SCFD2: variants seen among roughly 807,000 people sequenced by gnomAD.
SCFD2 encodes sec1 family domain containing 2.
A neutral mutation model predicts 58.9 loss-of-function variants in SCFD2; 54 were observed. The observed-to-expected ratio is 0.92, with a 90% CI of 0.74 to 1.15. The LOEUF (loss-of-function observed/expected upper bound fraction) is 1.15. Ranked by LOEUF, SCFD2 falls within the 50% of genes most tolerant of loss-of-function variation. The pLI, the probability that SCFD2 is intolerant of heterozygous loss-of-function variation, is 0.00. For missense variants in SCFD2, 805 were observed against 836.6 expected, an observed-to-expected ratio of 0.96 and a Z score of 0.47; for synonymous variants, 321 against 335.9, an observed-to-expected ratio of 0.96 and a Z score of 0.49.
At chr4:53,016,601 G>T (rs1001813905) in intron 5 of SCFD2, among the ~76,000 whole-genome samples, 1 of 152,104 alleles carries the variant, frequency 6.6e-6, no homozygotes, top group African/African-American at 2.4e-5. Context: ...ATGAGTATTC[G>T]AAATATTCTT....
At chr4:53,363,263 T>C (rs1734598343) in intron 1 of SCFD2, among the ~76,000 whole-genome samples, 1 of 151,984 alleles carries the variant, frequency 6.6e-6, no homozygotes, top group Non-Finnish European at 1.5e-5. Context: ...GCCTCCTGAG[T>C]GGCTGGGACT....
chr4:53,165,961 A>C (rs1219514474), intron 4 of SCFD2, among the ~76,000 whole-genome samples: 1 of 152,186 alleles, frequency 6.6e-6, no homozygotes, highest in Non-Finnish European at 1.5e-5. Flanking sequence ...TTATTAGTTT[A>C]AGTGTACTTT....
intron 5 of SCFD2, among the ~76,000 whole-genome samples, chr4:53,015,583 G>A (rs1453355325): frequency 6.6e-6 from 1 of 152,082 alleles, no homozygotes; most frequent in Non-Finnish European, 1.5e-5. Context: ...ATCAGCACAC[G>A]TCTTCCATCA....
chr4:52,942,123 T>A (rs1011715035), intron 5 of SCFD2, among the ~76,000 whole-genome samples: 3 of 152,300 alleles, frequency 2.0e-5, no homozygotes, highest in African/African-American at 7.2e-5. Flanking sequence ...AGTGTCTATG[T>A]GTGGTAGGAT....
chr4:53,302,635 A>C (rs956165156), intron 3 of SCFD2, among the ~76,000 whole-genome samples: 1 of 152,212 alleles, frequency 6.6e-6, no homozygotes, highest in Non-Finnish European at 1.5e-5. Flanking sequence ...AAGAGCCTGC[A>C]TTGCCAAGTC....
chr4:52,980,636 C>T (rs1721356339), intron 5 of SCFD2, among the ~76,000 whole-genome samples: 1 of 152,186 alleles, frequency 6.6e-6, no homozygotes, highest in African/African-American at 2.4e-5. Context: ...TCTCTGGCCA[C>T]AGACACTTTT....
At chr4:53,219,074 A>C (rs889375640) in intron 4 of SCFD2, among the ~76,000 whole-genome samples, 1 of 152,024 alleles carries the variant, frequency 6.6e-6, no homozygotes, top group Non-Finnish European at 1.5e-5. Flanking sequence ...CCTTTAGGCT[A>C]CTCGGGAGTC....
chr4:53,121,771 C>T (rs954440302), intron 5 of SCFD2, among the ~76,000 whole-genome samples: 1 of 152,164 alleles, frequency 6.6e-6, no homozygotes, highest in Non-Finnish European at 1.5e-5. Context: ...AGTGGGATTC[C>T]AGGCAGCCCT....
intron 5 of SCFD2, among the ~76,000 whole-genome samples, chr4:52,929,306 C>A (rs192986005): frequency 1.3e-5 from 2 of 152,232 alleles, no homozygotes; most frequent in East Asian, 3.9e-4. Context: ...TAATACCACA[C>A]AGATCATGTA....
intron 4 of SCFD2, among the ~76,000 whole-genome samples, chr4:53,233,983 C>A (rs1385182763): frequency 2.0e-5 from 3 of 152,092 alleles, no homozygotes; most frequent in Non-Finnish European, 4.4e-5. Context: ...TCCCAGTACT[C>A]ATAAAAAAAG....
rs1252622742 is a variant in SCFD2, at chr4:52,916,790, G to A, written c.1707+3935C>T. On this transcript the variant is annotated intron_variant, in intron 6 of 8. Coordinates refer to ENST00000401642, the MANE Select transcript of SCFD2 (RefSeq NM_152540.4). ...GTCCTAACAAAGGAAAAGATAAAATGTTGCAAAAGAAGACAAAGGAAGGCC... is the reference window on the plus strand; with the variant it reads ...GTCCTAACAAAGGAAAAGATAAAATATTGCAAAAGAAGACAAAGGAAGGCC... Among the ~76,000 whole-genome samples the A allele has an allele frequency of 2.6e-5, 4 of 152,192 alleles. No homozygotes were observed. In the East Asian group the frequency reaches 7.7e-4, roughly 29 times the overall value.
At chr4:53,158,617 T>C (rs1422262243) in intron 4 of SCFD2, among the ~76,000 whole-genome samples, 1 of 152,188 alleles carries the variant, frequency 6.6e-6, no homozygotes, top group Non-Finnish European at 1.5e-5. Flanking sequence ...ACTTAAGTTG[T>C]AATTACCATC....
At chr4:52,894,475 G>A (rs977347242) in intron 7 of SCFD2, among the ~76,000 whole-genome samples, 2 of 152,212 alleles carry the variant, frequency 1.3e-5, no homozygotes, top group Non-Finnish European at 2.9e-5. Context: ...CTGCCTATTA[G>A]ACATGCTAGT....
chr4:53,338,817 T>C (rs1244429642), intron 2 of SCFD2, among the ~76,000 whole-genome samples: 2 of 151,796 alleles, frequency 1.3e-5, no homozygotes, highest in African/African-American at 4.8e-5. Context: ...CCTGACCTCG[T>C]GATCCGCCCG....
At chr4:53,275,369 T>C (rs1329780160) in intron 3 of SCFD2, among the ~76,000 whole-genome samples, 1 of 152,148 alleles carries the variant, frequency 6.6e-6, no homozygotes, top group Non-Finnish European at 1.5e-5. Flanking sequence ...TGGGAATAAG[T>C]AGGAGGGTGA....
At chr4:53,125,383 T>G (rs564355521) in intron 5 of SCFD2, among the ~76,000 whole-genome samples, 2 of 152,354 alleles carry the variant, frequency 1.3e-5, no homozygotes, top group South Asian at 4.1e-4. Flanking sequence ...GGTTATAATA[T>G]TATAAGAGTA....
At chr4:53,229,494 A>G (rs1411324043) in intron 4 of SCFD2, among the ~76,000 whole-genome samples, 1 of 152,238 alleles carries the variant, frequency 6.6e-6, no homozygotes, top group African/African-American at 2.4e-5. Context: ...GATCTTTGAC[A>G]AACCTGACAA....
At chr4:53,189,679 G>C (rs952031689) in intron 4 of SCFD2, among the ~76,000 whole-genome samples, 1 of 152,148 alleles carries the variant, frequency 6.6e-6, no homozygotes, top group African/African-American at 2.4e-5. Context: ...TCACATTGGA[G>C]CTTAGGGCTT....
intron 5 of SCFD2, among the ~76,000 whole-genome samples, chr4:52,934,855 A>C (rs76711611): frequency 6.6e-6 from 1 of 152,212 alleles, no homozygotes; most frequent in Non-Finnish European, 1.5e-5. Context: ...AAAGAAGATG[A>C]CCACGCTAGA....
Sources: gnomAD v4.1 joint callset for allele counts (sites outside exome capture counted in the v4.1 genomes callset) on GRCh38, gnomAD v4.1.1 for gene constraint, MANE v1.5 for transcripts, NCBI Gene and HGNC (gene_info 2026-07-23, HGNC 2026-07-21) for gene names.